TNIK: variants seen among roughly 807,000 people sequenced by gnomAD.
TNIK encodes TRAF2 and NCK interacting kinase, also known as TRAF2 and NCK-interacting protein kinase.
A neutral mutation model predicts 191.3 loss-of-function variants in TNIK; 49 were observed. That is an observed-to-expected ratio of 0.26 (90% CI 0.20 to 0.32). The LOEUF (loss-of-function observed/expected upper bound fraction) is 0.32, where lower values mean the gene tolerates loss of function less well. Ranked by LOEUF, TNIK falls within the 10% of genes least tolerant of loss-of-function variation. TNIK has a pLI of 1.00. For missense variants in TNIK, 1,155 were observed against 1,702.3 expected (o/e 0.68, Z 5.66); for synonymous variants, 594 against 600.9 (o/e 0.99, Z 0.17).
intron 18 of TNIK, among the ~76,000 whole-genome samples, chr3:171,120,661 C>G (rs1576882073): frequency 6.6e-6 from 1 of 152,038 alleles, no homozygotes; most frequent in South Asian, 2.1e-4. Context: ...TGGTTTATTT[C>G]TCACTCACAT....
At chr3:171,273,536 T>C (rs1235228124) in intron 2 of TNIK, among the ~76,000 whole-genome samples, 1 of 152,214 alleles carries the variant, frequency 6.6e-6, no homozygotes, top group African/African-American at 2.4e-5. Context: ...GATCTCTCAC[T>C]TGGTTTCCTC....
chr3:171,293,793 T>C (rs1483855995), intron 2 of TNIK, among the ~76,000 whole-genome samples: 1 of 152,094 alleles, frequency 6.6e-6, no homozygotes, highest in Non-Finnish European at 1.5e-5. Context: ...TAAAGAAAAA[T>C]AATAGGCCAG....
At chr3:171,133,624 C>T (rs960953330) in intron 15 of TNIK, among the ~76,000 whole-genome samples, 1 of 152,170 alleles carries the variant, frequency 6.6e-6, no homozygotes, top group African/African-American at 2.4e-5. Flanking sequence ...AGAACTTGAA[C>T]TCAAACATAC....
intron 2 of TNIK, among the ~76,000 whole-genome samples, chr3:171,287,335 A>G (rs1316471366): frequency 1.3e-5 from 2 of 152,246 alleles, no homozygotes; most frequent in Admixed American, 6.5e-5. Context: ...CAATATATCT[A>G]AAATGTGGAC....
chr3:171,226,257 G>T (rs1577177260), intron 3 of TNIK, among the ~76,000 whole-genome samples: 2 of 152,102 alleles, frequency 1.3e-5, no homozygotes, highest in Admixed American at 1.3e-4. Flanking sequence ...TAGTAATGTT[G>T]TATGGAAGTA....
rs201987759 is a variant in TNIK, at chr3:171,066,534, G to A, written c.3859+42C>T. On this transcript the variant is annotated intron_variant, in intron 31 of 32. Coordinates refer to ENST00000436636, the MANE Select transcript of TNIK (RefSeq NM_015028.4). ...CATTTCTTGATTTTCGTTTCATTTG[G>A]GGGGTGTAACTGCTGAAGGAGATAA... is the stretch of plus-strand genomic sequence containing the variant. 475 of 1,609,716 alleles carry A rather than the reference G, an allele frequency of 3.0e-4. 3 individuals are homozygous for A. In the Middle Eastern group the frequency reaches 6.6e-3, roughly 22 times the overall value.
chr3:171,153,591 C>T (rs1732755227), intron 12 of TNIK, among the ~76,000 whole-genome samples: 1 of 152,218 alleles, frequency 6.6e-6, no homozygotes, highest in African/African-American at 2.4e-5. Flanking sequence ...TTGTCTCCTC[C>T]ATTTACTCTT....
intron 10 of TNIK, among the ~76,000 whole-genome samples, chr3:171,161,992 T>C (rs1734057552): frequency 6.6e-6 from 1 of 152,224 alleles, no homozygotes; most frequent in Admixed American, 6.5e-5. Context: ...ATCAAACCCA[T>C]TGGCCCTTTG....
At chr3:171,145,241 C>A (rs1310353885) in intron 12 of TNIK, among the ~76,000 whole-genome samples, 3 of 152,146 alleles carry the variant, frequency 2.0e-5, no homozygotes, top group African/African-American at 7.2e-5. Flanking sequence ...CGCCCGCCAC[C>A]ACGCCTGGCT....
intron 18 of TNIK, among the ~76,000 whole-genome samples, chr3:171,112,554 A>G (rs1726004677): frequency 6.6e-6 from 1 of 152,214 alleles, no homozygotes; most frequent in Non-Finnish European, 1.5e-5. Context: ...ATACTCAACT[A>G]TATTTTACTA....
intron 12 of TNIK, among the ~76,000 whole-genome samples, chr3:171,148,303 C>T (rs901336095): frequency 6.6e-6 from 1 of 152,198 alleles, no homozygotes; most frequent in African/African-American, 2.4e-5. Flanking sequence ...CTGAGCTTCA[C>T]GAAGCGGTGC....
At chr3:171,225,221 T>C (rs553437194) in intron 3 of TNIK, among the ~76,000 whole-genome samples, 2 of 152,322 alleles carry the variant, frequency 1.3e-5, no homozygotes, top group African/African-American at 4.8e-5. Flanking sequence ...TAGAATAGAC[T>C]GTCTTCTAAA....
chr3:171,115,119 T>G (rs996336161), intron 18 of TNIK, among the ~76,000 whole-genome samples: 1 of 152,174 alleles, frequency 6.6e-6, no homozygotes, highest in Non-Finnish European at 1.5e-5. Context: ...TTTCTTGGAG[T>G]TGCTCTCATT....
chr3:171,390,422 T>C (rs556830218), intron 1 of TNIK, among the ~76,000 whole-genome samples: 119 of 152,328 alleles, frequency 7.8e-4, no homozygotes, highest in African/African-American at 2.8e-3. Context: ...CTGGTTGCAG[T>C]AACCACCTTC....
chr3:171,396,636 A>G (rs1165804722), intron 1 of TNIK, among the ~76,000 whole-genome samples: 1 of 152,224 alleles, frequency 6.6e-6, no homozygotes, highest in Non-Finnish European at 1.5e-5. Context: ...AATGCCAGTG[A>G]AAACTCTTCA....
At position 171,367,480 on chromosome 3, in the gene TNIK, G is replaced by C. The variant is rs1054599784; in HGVS notation, c.123+2140C>G. The stretch of plus-strand genomic sequence containing the variant: ...GGCCCCATAGCATTTTTTTGGGGGG[G>C]GGGGGAGGGGACAGAGTCCCACTCT... On this transcript the variant is annotated intron_variant, in intron 2 of 32. Coordinates refer to ENST00000436636, the MANE Select transcript of TNIK (RefSeq NM_015028.4). Among the ~76,000 whole-genome samples the C allele has an allele frequency of 2.4e-4, 36 of 151,528 alleles. No homozygotes were observed. The South Asian group carries it at 2.7e-3, about 11-fold the overall frequency.
At chr3:171,177,639 CTT>C (rs1225675271) in intron 7 of TNIK, among the ~76,000 whole-genome samples, 1 of 152,172 alleles carries the variant, frequency 6.6e-6, no homozygotes, top group Non-Finnish European at 1.5e-5. Flanking sequence ...GTTACTGAAA[CTT>C]ATCTGTGGGT....
intron 2 of TNIK, among the ~76,000 whole-genome samples, chr3:171,356,562 C>A (rs1714108057): frequency 6.6e-6 from 1 of 152,134 alleles, no homozygotes; most frequent in African/African-American, 2.4e-5. Context: ...TCAGACTTAT[C>A]AAGAATCTAC....
intron 32 of TNIK, among the ~76,000 whole-genome samples, chr3:171,065,027 A>C (rs1221980519): frequency 6.6e-6 from 1 of 152,188 alleles, no homozygotes; most frequent in African/African-American, 2.4e-5. Context: ...TCTTCCCTCC[A>C]AGTTGTGTGC....
Sources: allele counts gnomAD v4.1 joint callset (sites outside exome capture counted in the v4.1 genomes callset), GRCh38; gene constraint gnomAD v4.1.1; transcripts MANE v1.5; gene names NCBI Gene and HGNC (gene_info 2026-07-23, HGNC 2026-07-21).